ANGPT2: variants seen among roughly 807,000 people sequenced by gnomAD.
The protein encoded by ANGPT2 is angiopoietin 2.
ANGPT2 carries 28 observed loss-of-function variants against 62.9 expected under a neutral mutation model. The observed-to-expected ratio is 0.44, with a 90% CI of 0.33 to 0.61. ANGPT2 has a LOEUF of 0.61. Ranked by LOEUF, ANGPT2 falls within the 20% of genes least tolerant of loss-of-function variation. The pLI is 0.03. For synonymous variants in ANGPT2, 284 were observed against 207.8 expected, an observed-to-expected ratio of 1.37 and a Z score of -3.15; for missense variants, 727 against 594.9, an observed-to-expected ratio of 1.22 and a Z score of -2.31.
In ANGPT2 at chr8:6,531,296, T is replaced by TC. The variant is rs573714419; in HGVS notation, c.444+1035_444+1036insG. ...TAGTTTCTTTCTTTCTTTCTTTCTTTTTTTTTTTTTGAGTTGAAGTCTCAC... is the reference window on the plus strand; with the variant it reads ...TAGTTTCTTTCTTTCTTTCTTTCTTTCTTTTTTTTTTGAGTTGAAGTCTCAC... On this transcript the variant is annotated intron_variant, in intron 2 of 8. Transcript: ENST00000629816. 1.9e-3 allele frequency among the ~76,000 whole-genome samples: 292 copies of TC among 150,710 alleles called. 2 individuals are homozygous for TC. The highest frequency in any genetic ancestry group is 6.9e-3 in the African/African-American group (282 of 41,096).
intron 1 of ANGPT2, among the ~76,000 whole-genome samples, chr8:6,555,323 C>T (rs886637207): frequency 6.6e-6 from 1 of 152,216 alleles, no homozygotes. Flanking sequence ...TCCTGCCTTT[C>T]AAGTGGTGTC....
chr8:6,509,582 T>C (rs1012052017), intron 7 of ANGPT2, among the ~76,000 whole-genome samples: 1 of 151,818 alleles, frequency 6.6e-6, no homozygotes, highest in African/African-American at 2.4e-5. Context: ...CTCATGTCTG[T>C]ATAGTAGGGT....
At chr8:6,503,328 A>G (rs933652319) in intron 8 of ANGPT2, 67 bp from the exon 9 acceptor site, 7 of 1,566,050 alleles carry the variant, frequency 4.5e-6, no homozygotes, top group Non-Finnish European at 6.1e-6. Flanking sequence ...GAAGACAGCA[A>G]TACTCAGCTA....
In ANGPT2 at chr8:6,521,260, C is replaced by T; in HGVS notation, c.717G>A (p.Val239=). ...GCTGCTTCTGAAGAACTGAATTATT[C>T]ACCGTGGCAGTCACTATTTTTTTTT... ...ELEKKIVTAT[V]NNSVLQKQQH... is the part of the protein sequence containing the mutation. The change falls in exon 4 of 9, where the codon GTG becomes GTA. Residue 239 remains valine (V), a synonymous_variant. Coordinates refer to ENST00000629816, the MANE Select transcript of ANGPT2 (RefSeq NM_001118887.2). The T allele has an allele frequency of 6.2e-7, 1 of 1,613,944 alleles. No individual in the cohort carries two copies. The highest frequency in any genetic ancestry group is 8.5e-7 in the Non-Finnish European group (1 of 1,179,946).
intron 1 of ANGPT2, among the ~76,000 whole-genome samples, chr8:6,550,427 C>G (rs1470456397): frequency 6.6e-6 from 1 of 152,250 alleles, no homozygotes; most frequent in Non-Finnish European, 1.5e-5. Flanking sequence ...GCTTGTTGCC[C>G]TGGCACCAAG....
At chr8:6,535,449 T>A (rs1164095315) in intron 1 of ANGPT2, among the ~76,000 whole-genome samples, 2 of 152,244 alleles carry the variant, frequency 1.3e-5, no homozygotes, top group Non-Finnish European at 2.9e-5. Context: ...CTTTTTAAAT[T>A]GCTACTTTTT....
At chr8:6,546,526 G>T (rs1026833613) in intron 1 of ANGPT2, among the ~76,000 whole-genome samples, 1 of 130,880 alleles carries the variant, frequency 7.6e-6, no homozygotes, top group African/African-American at 3.1e-5. Context: ...ACTTAAGAAA[G>T]AAAATAAAGG....
intron 3 of ANGPT2, among the ~76,000 whole-genome samples, chr8:6,522,694 A>C (rs2959789): frequency 0.25 from 38,422 of 151,290 alleles, 5,607 homozygotes; most frequent in Middle Eastern, 0.42. Flanking sequence ...GAACTGCTTG[A>C]ACCCGGGAGG....
chr8:6,533,516 G>A (rs1469452035), intron 1 of ANGPT2, among the ~76,000 whole-genome samples: 4 of 149,052 alleles, frequency 2.7e-5, no homozygotes, highest in Non-Finnish European at 4.4e-5. Context: ...GGGTTAAGCT[G>A]TGCTTTTAAA....
chr8:6,513,662 C>T lies in ANGPT2; in HGVS notation c.1196+16G>A, dbSNP rs377411896. On this transcript the variant is annotated intron_variant, in intron 7 of 8. Transcript: ENST00000629816. ...ATCTTTTAATTTTTTCTTTCAATTA[C>T]CATGAACTCACTTACCTATAATTGA... is the stretch of plus-strand genomic sequence containing the variant. 53 of 1,597,430 alleles carry T rather than the reference C, an allele frequency of 3.3e-5. No individual in the cohort carries two copies. The highest frequency in any genetic ancestry group is 4.4e-5 in the Non-Finnish European group (52 of 1,172,104).
chr8:6,509,556 C>T (rs901853236), intron 7 of ANGPT2, among the ~76,000 whole-genome samples: 2 of 152,120 alleles, frequency 1.3e-5, no homozygotes, highest in Non-Finnish European at 2.9e-5. Context: ...AAAATAAATC[C>T]TTGTGGCTAC....
chr8:6,510,794 G>C (rs192018638), intron 7 of ANGPT2, among the ~76,000 whole-genome samples: 1 of 152,210 alleles, frequency 6.6e-6, no homozygotes, highest in African/African-American at 2.4e-5. Flanking sequence ...GTGGAGTTCT[G>C]TAAGTGTTGC....
chr8:6,552,822 T>C (rs1459337807), intron 1 of ANGPT2, among the ~76,000 whole-genome samples: 1 of 152,052 alleles, frequency 6.6e-6, no homozygotes, highest in Non-Finnish European at 1.5e-5. Context: ...CTGCTTTTTT[T>C]TTTTTAACTC....
intron 1 of ANGPT2, among the ~76,000 whole-genome samples, chr8:6,562,090 A>T (rs925365541): frequency 6.6e-6 from 1 of 152,238 alleles, no homozygotes; most frequent in Admixed American, 6.5e-5. Flanking sequence ...TCTGAGAAAC[A>T]TAAGGTCTGC....
chr8:6,543,246 C>G (rs1332546892), intron 1 of ANGPT2, among the ~76,000 whole-genome samples: 1 of 152,198 alleles, frequency 6.6e-6, no homozygotes, highest in Non-Finnish European at 1.5e-5. Context: ...CACGAAGACT[C>G]AGCGGGAACA....
intron 2 of ANGPT2, 78 bp from the exon 3 acceptor site, chr8:6,527,754 C>T: frequency 7.7e-7 from 1 of 1,296,072 alleles, no homozygotes; most frequent in Non-Finnish European, 1.1e-6. Flanking sequence ...CATTAAAGTA[C>T]CCAAGCTACA....
Position 6,519,183 on chromosome 8 carries a change from C to A in ANGPT2, c.927+681G>T, listed in dbSNP as rs116958228. On this transcript the variant is annotated intron_variant, in intron 5 of 8. Transcript: ENST00000629816. ...TAGATGAGGTTAGAATCGCCTTCCC[C>A]AGCGGTTCTCATGGTGTGGACCTCA... Among the ~76,000 whole-genome samples the A allele has an allele frequency of 1.4e-4, 22 of 152,306 alleles. No individual in the cohort carries two copies. The East Asian group carries it at 4.0e-3, about 28-fold the overall frequency.
chr8:6,551,958 C>CT (rs899112289), intron 1 of ANGPT2, among the ~76,000 whole-genome samples: 2 of 152,184 alleles, frequency 1.3e-5, no homozygotes, highest in Non-Finnish European at 2.9e-5. Context: ...TAATAAAACT[C>CT]TAATACTTCA....
intron 2 of ANGPT2, among the ~76,000 whole-genome samples, chr8:6,529,499 T>A (rs1472518673): frequency 6.6e-6 from 1 of 151,412 alleles, no homozygotes; most frequent in African/African-American, 2.4e-5. Context: ...TTGCCCAGGC[T>A]GCAGTGCGGT....
Sources: gnomAD v4.1 joint callset for allele counts (sites outside exome capture counted in the v4.1 genomes callset) on GRCh38, gnomAD v4.1.1 for gene constraint, MANE v1.5 for transcripts, NCBI Gene and HGNC (gene_info 2026-07-23, HGNC 2026-07-21) for gene names.